CADM2: variants seen among roughly 807,000 people sequenced by gnomAD.
CADM2 encodes cell adhesion molecule 2.
Under a neutral mutation model 49.8 loss-of-function variants are expected in CADM2, and 12 were observed. The observed-to-expected ratio is 0.24, with a 90% confidence interval of 0.15 to 0.39. The LOEUF (loss-of-function observed/expected upper bound fraction) is 0.39, where lower values mean the gene tolerates loss of function less well. Among genes scored for constraint, CADM2 ranks in the 10% least tolerant of loss-of-function variants. CADM2 has a pLI of 1.00. For missense variants in CADM2, 378 were observed against 492.3 expected (o/e 0.77, Z 2.20); for synonymous variants, 214 against 175.4 (o/e 1.22, Z -1.74).
intron 1 of CADM2, among the ~76,000 whole-genome samples, chr3:85,091,421 A>T (rs977412979): frequency 4.6e-5 from 7 of 152,226 alleles, no homozygotes; most frequent in Non-Finnish European, 1.0e-4. Flanking sequence ...CATACGAAGT[A>T]TAATACTTCT....
At chr3:85,028,571 A>G (rs1490583251) in intron 1 of CADM2, among the ~76,000 whole-genome samples, 1 of 152,174 alleles carries the variant, frequency 6.6e-6, no homozygotes, top group Non-Finnish European at 1.5e-5. Flanking sequence ...TTCTGAATAC[A>G]AAACTCTCTG....
At chr3:85,546,141 T>C (rs906587926) in intron 1 of CADM2, among the ~76,000 whole-genome samples, 1 of 152,224 alleles carries the variant, frequency 6.6e-6, no homozygotes, top group Non-Finnish European at 1.5e-5. Flanking sequence ...AGTCCCTGAA[T>C]ATAGATTTTT....
At chr3:85,454,373 T>A (rs950578454) in intron 1 of CADM2, among the ~76,000 whole-genome samples, 3 of 151,736 alleles carry the variant, frequency 2.0e-5, no homozygotes, top group African/African-American at 7.3e-5. Flanking sequence ...ATATAATTAA[T>A]CCTTCTAGTA....
chr3:85,047,901 T>C (rs1239332415), intron 1 of CADM2, among the ~76,000 whole-genome samples: 1 of 152,100 alleles, frequency 6.6e-6, no homozygotes, highest in African/African-American at 2.4e-5. Context: ...TGCTAATATA[T>C]TGTTTTTGTG....
chr3:86,041,170 G>C (rs6549067), intron 8 of CADM2, among the ~76,000 whole-genome samples: 142,428 of 152,270 alleles, frequency 0.94, 66,728 homozygotes, highest in East Asian at 1. Context: ...GAAACTGAAT[G>C]AACTAACGAG....
chr3:85,325,736 A>G (rs1275101707), intron 1 of CADM2, among the ~76,000 whole-genome samples: 1 of 151,758 alleles, frequency 6.6e-6, no homozygotes, highest in East Asian at 1.9e-4. Flanking sequence ...CTATCTTGAG[A>G]AGATTATCAT....
chr3:85,712,989 C>T (rs1285965294), intron 1 of CADM2, among the ~76,000 whole-genome samples: 1 of 152,104 alleles, frequency 6.6e-6, no homozygotes, highest in Non-Finnish European at 1.5e-5. Context: ...ACTGCCCTTA[C>T]TTTTGTGAAT....
chr3:85,097,057 G>A (rs2037826662), intron 1 of CADM2, among the ~76,000 whole-genome samples: 1 of 152,002 alleles, frequency 6.6e-6, no homozygotes, highest in Admixed American at 6.6e-5. Context: ...GTGCAGGTTT[G>A]TTACATATGT....
chr3:85,898,056 T>C (rs1715495962), intron 5 of CADM2, among the ~76,000 whole-genome samples: 1 of 152,184 alleles, frequency 6.6e-6, no homozygotes, highest in African/African-American at 2.4e-5. Context: ...TAATAGCATT[T>C]AAATGTGGGT....
intron 1 of CADM2, among the ~76,000 whole-genome samples, chr3:85,365,419 A>T (rs2032698628): frequency 6.6e-6 from 1 of 152,102 alleles, no homozygotes; most frequent in South Asian, 2.1e-4. Context: ...ATAGCAATCA[A>T]AACCTTTGGT....
At chr3:84,968,179 T>C (rs894817220) in intron 1 of CADM2, among the ~76,000 whole-genome samples, 1 of 152,030 alleles carries the variant, frequency 6.6e-6, no homozygotes, top group Non-Finnish European at 1.5e-5. Context: ...AGCCCTTCTG[T>C]ATACAAATGT....
intron 8 of CADM2, among the ~76,000 whole-genome samples, chr3:86,052,304 G>T (rs568130207): frequency 6.6e-6 from 1 of 152,010 alleles, no homozygotes; most frequent in Non-Finnish European, 1.5e-5. Context: ...TAAAATTCTG[G>T]GACATTCTTA....
chr3:85,614,794 T>G (rs1453163327), intron 1 of CADM2, among the ~76,000 whole-genome samples: 1 of 151,976 alleles, frequency 6.6e-6, no homozygotes, highest in Non-Finnish European at 1.5e-5. Context: ...TGTTGAAAAT[T>G]TGTGTGGATT....
intron 1 of CADM2, among the ~76,000 whole-genome samples, chr3:85,640,854 T>A (rs901930592): frequency 4.6e-5 from 5 of 108,378 alleles, no homozygotes; most frequent in Non-Finnish European, 1.1e-4. Context: ...GATGATGACA[T>A]TAGGTTATAT....
At chr3:85,845,549 G>A (rs2074844317) in intron 3 of CADM2, among the ~76,000 whole-genome samples, 1 of 152,132 alleles carries the variant, frequency 6.6e-6, no homozygotes, top group African/African-American at 2.4e-5. Flanking sequence ...TCTCTGTGCT[G>A]AGGTGGCCTC....
chr3:85,237,240 G>A (rs2042428546), intron 1 of CADM2, among the ~76,000 whole-genome samples: 1 of 151,886 alleles, frequency 6.6e-6, no homozygotes, highest in South Asian at 2.1e-4. Context: ...ATTGTTGGAA[G>A]CATGAGATTA....
chr3:85,249,019 T>C (rs2042716073), intron 1 of CADM2, among the ~76,000 whole-genome samples: 1 of 152,180 alleles, frequency 6.6e-6, no homozygotes, highest in South Asian at 2.1e-4. Context: ...AGGATACTTG[T>C]TTGGCTTCAA....
intron 1 of CADM2, among the ~76,000 whole-genome samples, chr3:85,659,214 A>G (rs2065320136): frequency 6.6e-6 from 1 of 151,818 alleles, no homozygotes; most frequent in Non-Finnish European, 1.5e-5. Context: ...GCCTCATCGT[A>G]ACTGCATTTA....
chr3:85,252,950 A>G (rs1173869905), intron 1 of CADM2, among the ~76,000 whole-genome samples: 1 of 152,084 alleles, frequency 6.6e-6, no homozygotes, highest in Admixed American at 6.6e-5. Context: ...ATGCAAGCTC[A>G]TATGTTAAGA....
Sources: gnomAD v4.1 joint callset for allele counts (sites outside exome capture counted in the v4.1 genomes callset) on GRCh38, gnomAD v4.1.1 for gene constraint, MANE v1.5 for transcripts, NCBI Gene and HGNC (gene_info 2026-07-23, HGNC 2026-07-21) for gene names.